Variants in HS6ST3 observed in about 807,000 individuals in gnomAD.
The protein encoded by HS6ST3 is heparan-sulfate 6-O-sulfotransferase 3.
HS6ST3 carries 12 observed loss-of-function variants against 36.7 expected under a neutral mutation model. That is an observed-to-expected ratio of 0.33 (90% confidence interval 0.21 to 0.53). The LOEUF is 0.53. Among genes scored for constraint, HS6ST3 ranks in the 20% least tolerant of loss-of-function variants. The probability of loss-of-function intolerance (pLI) is 0.95; values close to 1 mark genes in which losing one functional copy is unlikely to be tolerated. For synonymous variants in HS6ST3, 240 were observed against 257.5 expected (o/e 0.93, Z 0.65); for missense variants, 584 against 640.9 (o/e 0.91, Z 0.96).
At chr13:96,357,174 GATT>G (rs2055214177) in intron 1 of HS6ST3, among the ~76,000 whole-genome samples, 1 of 152,166 alleles carries the variant, frequency 6.6e-6, no homozygotes, top group Middle Eastern at 3.2e-3. Flanking sequence ...CTTTTATCCA[GATT>G]ATTAAAACTT....
intron 1 of HS6ST3, among the ~76,000 whole-genome samples, chr13:96,483,960 A>G (rs557939478): frequency 1.3e-4 from 20 of 152,312 alleles, no homozygotes; most frequent in African/African-American, 4.8e-4. Flanking sequence ...AGTTTCTCAC[A>G]TGAGGATGTC....
intron 1 of HS6ST3, among the ~76,000 whole-genome samples, chr13:96,324,623 A>G (rs2055021306): frequency 6.6e-6 from 1 of 152,234 alleles, no homozygotes; most frequent in Non-Finnish European, 1.5e-5. Context: ...TTTGTAGATG[A>G]TCAGATTAAG....
intron 1 of HS6ST3, among the ~76,000 whole-genome samples, chr13:96,140,169 C>T (rs2054024551): frequency 6.6e-6 from 1 of 152,120 alleles, no homozygotes; most frequent in Admixed American, 6.5e-5. Flanking sequence ...TATATCAAAA[C>T]GTATGCAAAC....
intron 1 of HS6ST3, among the ~76,000 whole-genome samples, chr13:96,510,642 C>T (rs1383219590): frequency 6.6e-6 from 1 of 152,082 alleles, no homozygotes; most frequent in Non-Finnish European, 1.5e-5. Flanking sequence ...AATTTTCAAC[C>T]TCAGTTCTAG....
chr13:96,342,456 C>T (rs1381982488), intron 1 of HS6ST3, among the ~76,000 whole-genome samples: 1 of 152,146 alleles, frequency 6.6e-6, no homozygotes, highest in Non-Finnish European at 1.5e-5. Flanking sequence ...AGAGTTCCCC[C>T]GAAGCATCGC....
intron 1 of HS6ST3, among the ~76,000 whole-genome samples, chr13:96,378,695 T>C (rs1230065104): frequency 6.6e-6 from 1 of 152,188 alleles, no homozygotes; most frequent in Admixed American, 6.5e-5. Context: ...TCCCTAGTAG[T>C]AGGCACAGGG....
At position 96,679,563 on chromosome 13, in the gene HS6ST3, C is replaced by T. The variant is rs564954363; in HGVS notation, c.708-152927C>T. Reference sequence around the variant, plus strand: ...ATCACCCATGCTTTAAACCTCAGCCCGAAAGTAATTGCCCAATGCAGAGCC... The same window carrying T: ...ATCACCCATGCTTTAAACCTCAGCCTGAAAGTAATTGCCCAATGCAGAGCC... On this transcript the variant is annotated intron_variant, in intron 1 of 1. Coordinates refer to ENST00000376705, the MANE Select transcript of HS6ST3 (RefSeq NM_153456.4). Among the ~76,000 whole-genome samples, 12 of 152,232 alleles carry T rather than the reference C, an allele frequency of 7.9e-5. No individual in the cohort carries two copies. In the South Asian group the frequency reaches 1.0e-3, roughly 13 times the overall value.
At chr13:96,515,497 C>T (rs188465707) in intron 1 of HS6ST3, among the ~76,000 whole-genome samples, 1 of 152,324 alleles carries the variant, frequency 6.6e-6, no homozygotes, top group Non-Finnish European at 1.5e-5. Flanking sequence ...GCTAGGAAGC[C>T]TTTTCCCTGA....
rs1291778229 is a variant in HS6ST3 at position 96,765,585 on chromosome 13, TCTTTC to T, written c.708-66904_708-66900del. 6.9e-5 allele frequency among the ~76,000 whole-genome samples: 8 copies of T among 115,382 alleles called. No individual in the cohort carries two copies. In the East Asian group the frequency reaches 2.0e-3, roughly 29 times the overall value. 75.7% of individuals were successfully genotyped at this position (115,382 alleles called of 152,430 possible). Reference sequence around the variant, plus strand: ...TGAACAGAGATGTATGCGCTCTCTCTCTTTCTCTCTCTCTCTCTCTCTCTCTCTCT... The same window carrying T: ...TGAACAGAGATGTATGCGCTCTCTCTTCTCTCTCTCTCTCTCTCTCTCTCT... On this transcript the variant is annotated intron_variant, in intron 1 of 1. Coordinates refer to ENST00000376705, the MANE Select transcript of HS6ST3 (RefSeq NM_153456.4).
intron 1 of HS6ST3, among the ~76,000 whole-genome samples, chr13:96,277,326 A>T (rs981058565): frequency 5.9e-5 from 9 of 152,120 alleles, no homozygotes; most frequent in African/African-American, 2.2e-4. Context: ...TTACTGTATT[A>T]TAAATTGGTT....
intron 1 of HS6ST3, among the ~76,000 whole-genome samples, chr13:96,351,335 T>TTTTTTTTTTTTTTTTTTTTTAA (rs1203595829): frequency 1.4e-5 from 2 of 146,364 alleles, no homozygotes; most frequent in African/African-American, 5.2e-5. Flanking sequence ...TTTTTTTTTT[T>TTTTTTTTTTTTTTTTTTTTTAA]AAAAAAAACA....
At chr13:96,699,643 T>C (rs1875230859) in intron 1 of HS6ST3, among the ~76,000 whole-genome samples, 1 of 152,200 alleles carries the variant, frequency 6.6e-6, no homozygotes, top group Non-Finnish European at 1.5e-5. Context: ...ACACTGTTGG[T>C]GGGTCTGTAA....
At chr13:96,212,988 G>T (rs924488343) in intron 1 of HS6ST3, among the ~76,000 whole-genome samples, 1 of 152,156 alleles carries the variant, frequency 6.6e-6, no homozygotes, top group Non-Finnish European at 1.5e-5. Flanking sequence ...TAAAGCAGAT[G>T]GTATGATAGG....
At chr13:96,249,375 T>C (rs2054597878) in intron 1 of HS6ST3, among the ~76,000 whole-genome samples, 1 of 151,862 alleles carries the variant, frequency 6.6e-6, no homozygotes, top group Admixed American at 6.6e-5. Flanking sequence ...AGATAAGGTG[T>C]AAAAAGGAAG....
At chr13:96,589,055 G>GA (rs774694159) in intron 1 of HS6ST3, among the ~76,000 whole-genome samples, 4,897 of 51,276 alleles carry the variant, frequency 0.096, 172 homozygotes, top group African/African-American at 0.17. Flanking sequence ...CATCTCAAGA[G>GA]AAAAAAAAAA....
At chr13:96,632,185 T>C (rs2056534182) in intron 1 of HS6ST3, among the ~76,000 whole-genome samples, 2 of 152,100 alleles carry the variant, frequency 1.3e-5, no homozygotes, top group Non-Finnish European at 2.9e-5. Context: ...CATTCATCCC[T>C]TTTGCCCCTT....
chr13:96,372,291 C>CTATT (rs1253739289), intron 1 of HS6ST3, among the ~76,000 whole-genome samples: 45 of 152,174 alleles, frequency 3.0e-4, no homozygotes, highest in African/African-American at 1.1e-3. Flanking sequence ...TCTAAAATGT[C>CTATT]TATTTAGTTC....
intron 1 of HS6ST3, among the ~76,000 whole-genome samples, chr13:96,586,302 CT>C (rs879891056): frequency 2.7e-3 from 394 of 146,458 alleles, no homozygotes; most frequent in African/African-American, 8.4e-3. Context: ...ATTTCAATGT[CT>C]TTTTTTTTTT....
chr13:96,145,160 T>C (rs1436647129), intron 1 of HS6ST3, among the ~76,000 whole-genome samples: 2 of 142,340 alleles, frequency 1.4e-5, no homozygotes, highest in Admixed American at 7.1e-5. Flanking sequence ...ATCCTTTGGG[T>C]ATATACCCAG....
Sources: gnomAD v4.1 joint callset for allele counts (sites outside exome capture counted in the v4.1 genomes callset) on GRCh38, gnomAD v4.1.1 for gene constraint, MANE v1.5 for transcripts, NCBI Gene and HGNC (gene_info 2026-07-23, HGNC 2026-07-21) for gene names.